LRRC7: variants seen among roughly 807,000 people sequenced by gnomAD.
LRRC7 encodes the protein leucine rich repeat containing 7, also known as leucine-rich repeat-containing protein 7.
A neutral mutation model predicts 175.7 loss-of-function variants in LRRC7; 23 were observed. The observed-to-expected ratio is 0.13, with a 90% CI of 0.09 to 0.19. LRRC7 has a LOEUF of 0.19. Ranked by LOEUF, LRRC7 falls within the 10% of genes least tolerant of loss-of-function variation. The probability of loss-of-function intolerance (pLI) is 1.00; values close to 1 mark genes in which losing one functional copy is unlikely to be tolerated. For missense variants in LRRC7, 1,354 were observed against 1,904.7 expected, an observed-to-expected ratio of 0.71 and a Z score of 5.38; for synonymous variants, 685 against 680.9, an observed-to-expected ratio of 1.01 and a Z score of -0.09.
rs764175210 is a variant in LRRC7, at chr1:70,142,537, A to C, written c.*20650A>C. 6.6e-6 allele frequency: 1 copy of C among 152,134 alleles called. No individual in the cohort carries two copies. Among genetic ancestry groups the C allele is most frequent in the African/African-American group, 2.4e-5 (1 of 41,448 alleles). The allele number at this position is 152,134 out of a possible 1,614,324, so 9.4% of individuals were successfully genotyped here. On this transcript the variant is annotated 3_prime_UTR_variant, in exon 27 of 27. Transcript: ENST00000651989. ...AGTAGGGACTAAAGGAAGCTTAAGG[A>C]TAATGACATTGTCTTCATATGAAGA...
At chr1:69,611,666 A>G (rs947537434) in intron 1 of LRRC7, among the ~76,000 whole-genome samples, 1 of 152,052 alleles carries the variant, frequency 6.6e-6, no homozygotes, top group African/African-American at 2.4e-5. Flanking sequence ...TAACACACAC[A>G]TTGTCTCCAT....
intron 23 of LRRC7, among the ~76,000 whole-genome samples, chr1:70,058,832 G>C (rs556748932): frequency 6.6e-6 from 1 of 152,266 alleles, no homozygotes; most frequent in East Asian, 1.9e-4. Flanking sequence ...TTTAAATTCA[G>C]ACATTGCACT....
At chr1:70,075,235 C>T (rs59585452) in intron 23 of LRRC7, among the ~76,000 whole-genome samples, 221 of 152,296 alleles carry the variant, frequency 1.5e-3, no homozygotes, top group African/African-American at 5.2e-3. Context: ...CTTACCAGCT[C>T]ACACACAAAA....
intron 1 of LRRC7, among the ~76,000 whole-genome samples, chr1:69,595,321 G>A (rs1308052645): frequency 6.6e-6 from 1 of 152,214 alleles, no homozygotes. Flanking sequence ...TCGGGAGGCT[G>A]AGGCAGGAGA....
chr1:69,662,260 TTCAA>T (rs72325945), intron 1 of LRRC7, among the ~76,000 whole-genome samples: 19,405 of 152,182 alleles, frequency 0.13, 1,547 homozygotes, highest in South Asian at 0.18. Flanking sequence ...AAACCATTCA[TTCAA>T]TCATTTAAAA....
chr1:69,680,890 T>A (rs1660401198), intron 2 of LRRC7, among the ~76,000 whole-genome samples: 1 of 152,048 alleles, frequency 6.6e-6, no homozygotes, highest in African/African-American at 2.4e-5. Flanking sequence ...GGGAGATATT[T>A]ATATTAAGTA....
chr1:69,742,358 A>G (rs1668806013), intron 2 of LRRC7, among the ~76,000 whole-genome samples: 2 of 152,048 alleles, frequency 1.3e-5, no homozygotes, highest in South Asian at 2.1e-4. Flanking sequence ...CAAGTTATAT[A>G]TAACTAAGTA....
chr1:69,916,732 C>CAAAT (rs890489914), intron 7 of LRRC7, among the ~76,000 whole-genome samples: 61 of 152,036 alleles, frequency 4.0e-4, no homozygotes, highest in South Asian at 1.0e-3. Flanking sequence ...TTCATTTAAC[C>CAAAT]GTCACTGGTT....
chr1:69,823,537 G>A (rs1024594304), intron 4 of LRRC7, among the ~76,000 whole-genome samples: 1 of 148,394 alleles, frequency 6.7e-6, no homozygotes, highest in African/African-American at 2.5e-5. Flanking sequence ...AAGTGTGTGT[G>A]TGGGAAAAAA....
chr1:69,943,065 A>T (rs1648903148), intron 8 of LRRC7, among the ~76,000 whole-genome samples: 1 of 152,150 alleles, frequency 6.6e-6, no homozygotes, highest in Admixed American at 6.6e-5. Context: ...AATGTGGCCC[A>T]GGGAAGCCAG....
intron 24 of LRRC7, 52 bp downstream of exon 24, chr1:70,076,350 A>G (rs1377524451): frequency 6.5e-7 from 1 of 1,548,840 alleles, no homozygotes. Flanking sequence ...AAAAGTCCAA[A>G]GAATCCATGG....
intron 4 of LRRC7, among the ~76,000 whole-genome samples, chr1:69,817,645 A>AT (rs1482076579): frequency 6.6e-6 from 1 of 151,904 alleles, no homozygotes; most frequent in Non-Finnish European, 1.5e-5. Context: ...TTTTAGGATT[A>AT]TTTTTTCTAT....
chr1:69,775,875 C>T (rs1672752970), intron 3 of LRRC7, among the ~76,000 whole-genome samples: 1 of 152,078 alleles, frequency 6.6e-6, no homozygotes, highest in South Asian at 2.1e-4. Context: ...AGAAAATGAG[C>T]AGTTCCCCAG....
At chr1:69,600,140 G>C (rs1459140784) in intron 1 of LRRC7, among the ~76,000 whole-genome samples, 2 of 152,040 alleles carry the variant, frequency 1.3e-5, no homozygotes, top group Admixed American at 6.6e-5. Context: ...AGATATTACA[G>C]GGTGTTCCCA....
At chr1:69,779,570 T>C (rs978061763) in intron 3 of LRRC7, among the ~76,000 whole-genome samples, 5 of 152,200 alleles carry the variant, frequency 3.3e-5, no homozygotes, top group Non-Finnish European at 5.9e-5. Context: ...AAAACAGATA[T>C]ATTCCCTTCC....
intron 8 of LRRC7, among the ~76,000 whole-genome samples, chr1:69,938,999 A>ATATATATATATATATC (rs897816934): frequency 1.0e-5 from 1 of 98,040 alleles, no homozygotes; most frequent in African/African-American, 3.6e-5. Flanking sequence ...TGTAGATTAT[A>ATATATATATATATATC]TATATATATA....
At chr1:69,915,182 G>C (rs1421087163) in intron 7 of LRRC7, among the ~76,000 whole-genome samples, 1 of 152,048 alleles carries the variant, frequency 6.6e-6, no homozygotes, top group African/African-American at 2.4e-5. Context: ...CATCTTTAAG[G>C]GGAATGTGAC....
chr1:69,577,114 G>T (rs1645984469), intron 1 of LRRC7, among the ~76,000 whole-genome samples: 1 of 152,100 alleles, frequency 6.6e-6, no homozygotes, highest in African/African-American at 2.4e-5. Context: ...ACATCAATGT[G>T]GGACGTGAAC....
intron 25 of LRRC7, 117 bp from the exon 26 acceptor site, chr1:70,107,635 A>G (rs1299342711): frequency 4.4e-6 from 3 of 678,274 alleles, no homozygotes; most frequent in Non-Finnish European, 7.9e-6. Context: ...TTTGAAGCCT[A>G]CATGCATAAA....
Sources: allele counts gnomAD v4.1 joint callset (sites outside exome capture counted in the v4.1 genomes callset), GRCh38; gene constraint gnomAD v4.1.1; transcripts MANE v1.5; gene names NCBI Gene and HGNC (gene_info 2026-07-23, HGNC 2026-07-21).